The following RARB variants were observed in gnomAD, a reference collection of about 807,000 sequenced individuals.
The protein encoded by RARB is HBV-activated protein.
RARB carries 17 observed loss-of-function variants against 51.9 expected under a neutral mutation model. That is an observed-to-expected ratio of 0.33 (90% CI 0.22 to 0.49). RARB has a LOEUF of 0.49. Ranked by LOEUF, RARB falls within the 20% of genes least tolerant of loss-of-function variation. The pLI, the probability that RARB is intolerant of heterozygous loss-of-function variation, is 0.99. For synonymous variants in RARB, 215 were observed against 195.4 expected (o/e 1.10, Z -0.84); for missense variants, 369 against 550.8 (o/e 0.67, Z 3.30).
At chr3:24,849,305 C>T (rs1051527339) in intron 1 of RARB, among the ~76,000 whole-genome samples, 4 of 152,264 alleles carry the variant, frequency 2.6e-5, no homozygotes, top group African/African-American at 9.6e-5. Context: ...GTGAGGGAAA[C>T]TGCAGATAAG....
intron 5 of RARB, among the ~76,000 whole-genome samples, chr3:25,178,533 A>G (rs529423140): frequency 1.1e-4 from 16 of 152,062 alleles, no homozygotes; most frequent in South Asian, 2.1e-4. Context: ...CCAGACCCCG[A>G]GACCCCAGAG....
Position 24,920,749 on chromosome 3 carries a change from C to T in RARB, c.-380+61997C>T, listed in dbSNP as rs140433669. 3.7e-3 allele frequency among the ~76,000 whole-genome samples: 563 copies of T among 152,316 alleles called. 3 individuals are homozygous for T. The highest frequency in any genetic ancestry group is 0.013 in the African/African-American group (529 of 41,578). On this transcript the variant is annotated intron_variant, in intron 2 of 11. Transcript: ENST00000383772. ...CCTCAGTTCCACAAGTCTTTAAACT[C>T]CTCCAAACAGCCAACTTTGTCTGTG...
intron 2 of RARB, among the ~76,000 whole-genome samples, chr3:25,464,447 A>G (rs1192259800): frequency 6.6e-6 from 1 of 152,228 alleles, no homozygotes; most frequent in Admixed American, 6.5e-5. Context: ...TAACAGAGCT[A>G]TAAACCCAAT....
At chr3:24,904,808 T>C (rs555196316) in intron 2 of RARB, among the ~76,000 whole-genome samples, 268 of 152,304 alleles carry the variant, frequency 1.8e-3, no homozygotes, top group African/African-American at 6.1e-3. Context: ...GTGGCACATA[T>C]ACACCATGGA....
chr3:25,455,226 A>T (rs1490365993), intron 1 of RARB, among the ~76,000 whole-genome samples: 2 of 152,124 alleles, frequency 1.3e-5, no homozygotes, highest in East Asian at 3.8e-4. Context: ...AATTTTTTTT[A>T]AAGAGTTGGA....
At chr3:24,892,858 T>C (rs1336456382) in intron 2 of RARB, among the ~76,000 whole-genome samples, 2 of 152,254 alleles carry the variant, frequency 1.3e-5, no homozygotes, top group Non-Finnish European at 2.9e-5. Flanking sequence ...ATGTTAGTGA[T>C]CTAAAGCAAT....
At chr3:25,590,609 C>T (rs961664115) in intron 5 of RARB, among the ~76,000 whole-genome samples, 1 of 152,156 alleles carries the variant, frequency 6.6e-6, no homozygotes, top group Non-Finnish European at 1.5e-5. Context: ...CAACCTCCCC[C>T]TCCCAGTTCA....
At chr3:25,367,478 A>G (rs138094663) in intron 5 of RARB, among the ~76,000 whole-genome samples, 269 of 152,218 alleles carry the variant, frequency 1.8e-3, no homozygotes, top group African/African-American at 6.2e-3. Context: ...GCAGGGCCCC[A>G]ATAAATGCTG....
chr3:25,432,768 A>C (rs777456613), intron 1 of RARB, among the ~76,000 whole-genome samples: 1 of 152,234 alleles, frequency 6.6e-6, no homozygotes, highest in Non-Finnish European at 1.5e-5. Flanking sequence ...GATAAATAAC[A>C]AAGATTATAA....
intron 3 of RARB, among the ~76,000 whole-genome samples, chr3:25,104,257 C>G (rs1312091172): frequency 6.6e-6 from 1 of 152,190 alleles, no homozygotes; most frequent in Non-Finnish European, 1.5e-5. Context: ...GCAACCAGAG[C>G]ACCCATACAT....
chr3:25,196,419 C>A (rs972426472), intron 5 of RARB, among the ~76,000 whole-genome samples: 1 of 152,098 alleles, frequency 6.6e-6, no homozygotes, highest in Non-Finnish European at 1.5e-5. Flanking sequence ...TTTATGGCTG[C>A]ATAGTATTCC....
intron 3 of RARB, among the ~76,000 whole-genome samples, chr3:25,069,349 ATCAC>A (rs1200580574): frequency 1.3e-5 from 2 of 152,196 alleles, no homozygotes; most frequent in Non-Finnish European, 2.9e-5. Context: ...TTTCCCTCCT[ATCAC>A]TCAGTTCCCT....
intron 3 of RARB, among the ~76,000 whole-genome samples, chr3:25,116,446 G>A (rs1042026255): frequency 1.3e-5 from 2 of 151,600 alleles, no homozygotes; most frequent in African/African-American, 2.4e-5. Context: ...AAAACGAGTC[G>A]AGAATATAGG....
At chr3:25,001,249 T>C (rs1697152161) in intron 2 of RARB, among the ~76,000 whole-genome samples, 1 of 152,146 alleles carries the variant, frequency 6.6e-6, no homozygotes, top group Non-Finnish European at 1.5e-5. Context: ...AAATACATAA[T>C]ATAAAACCAG....
At chr3:25,491,820 G>A (rs1275984298) in intron 2 of RARB, among the ~76,000 whole-genome samples, 1 of 152,046 alleles carries the variant, frequency 6.6e-6, no homozygotes, top group Non-Finnish European at 1.5e-5. Flanking sequence ...AGGTGCCTGT[G>A]ATCCTAGCTA....
intron 2 of RARB, among the ~76,000 whole-genome samples, chr3:24,968,367 A>T (rs536720191): frequency 9.9e-5 from 15 of 152,264 alleles, no homozygotes; most frequent in African/African-American, 3.1e-4. Flanking sequence ...GTTTCCCATG[A>T]CTAAAATAAC....
At chr3:25,372,591 G>A (rs1455588463) in intron 5 of RARB, among the ~76,000 whole-genome samples, 3 of 152,200 alleles carry the variant, frequency 2.0e-5, no homozygotes, top group Non-Finnish European at 2.9e-5. Flanking sequence ...GGAGGCTGAA[G>A]CAGGAGGATA....
intron 2 of RARB, among the ~76,000 whole-genome samples, chr3:24,940,468 G>C (rs528600818): frequency 6.6e-6 from 1 of 152,052 alleles, no homozygotes; most frequent in East Asian, 1.9e-4. Context: ...GGATAGGAAG[G>C]ATTTCATACC....
intron 4 of RARB, among the ~76,000 whole-genome samples, chr3:25,150,066 G>A (rs1038197415): frequency 1.3e-5 from 2 of 152,000 alleles, no homozygotes; most frequent in Non-Finnish European, 2.9e-5. Flanking sequence ...GCTGGGCATG[G>A]TGGTGGGCAC....
Sources: gnomAD v4.1 joint callset for allele counts (sites outside exome capture counted in the v4.1 genomes callset) on GRCh38, gnomAD v4.1.1 for gene constraint, MANE v1.5 for transcripts, NCBI Gene and HGNC (gene_info 2026-07-23, HGNC 2026-07-21) for gene names.